SYNJ2: variants seen among roughly 807,000 people sequenced by gnomAD.
SYNJ2 encodes polyphosphatidylinositol phosphatase SYNJ2.
In SYNJ2, 116 loss-of-function variants were observed where a neutral mutation model predicts 141.3. The observed-to-expected ratio is 0.82, with a 90% CI of 0.71 to 0.96. The LOEUF is 0.96. Among genes scored for constraint, SYNJ2 ranks in the 40% least tolerant of loss-of-function variants. SYNJ2 has a pLI of 0.00. For synonymous variants in SYNJ2, 745 were observed against 777.7 expected (o/e 0.96, Z 0.70); for missense variants, 1,873 against 1,934.8 (o/e 0.97, Z 0.60).
At position 158,071,729 on chromosome 6, in the gene SYNJ2, C is replaced by G; in HGVS notation, c.2068C>G (p.Gln690Glu). 6.2e-7 allele frequency: 1 copy of G among 1,614,052 alleles called. No individual in the cohort carries two copies. The highest frequency in any genetic ancestry group is 8.5e-7 in the Non-Finnish European group (1 of 1,180,040). Residue 690 changes from glutamine to glutamate, a missense_variant, in exon 15 of 27, where the codon CAG becomes GAG. Transcript: ENST00000355585. This position sits in a 1 kb window ranked among gnomAD's most constrained non-coding sequence, Gnocchi z 4.3. ...CFICSHLTAG[Q>E]SQVKERNEDY... ...CATATGTAGTCACCTGACGGCCGGG[C>G]AGTCCCAGGTGAAGGAGCGGAATGA...
At chr6:158,046,223 G>A (rs935864372) in intron 5 of SYNJ2, among the ~76,000 whole-genome samples, 3 of 152,042 alleles carry the variant, frequency 2.0e-5, no homozygotes, top group African/African-American at 7.2e-5. Flanking sequence ...TAGGATTACA[G>A]GCGTGAGCCA....
chr6:158,034,368 C>T (rs1278747491), intron 4 of SYNJ2, among the ~76,000 whole-genome samples: 1 of 152,232 alleles, frequency 6.6e-6, no homozygotes, highest in Non-Finnish European at 1.5e-5. Flanking sequence ...ATGTATGGTA[C>T]TCCTGCCAGG....
In SYNJ2 at chr6:157,982,391, T is replaced by TC. The variant is rs1180667581; in HGVS notation, c.127+306dup. ...GGGGCGCTTTGCGTATTCATGAGGA[T>TC]CCCGGGGTGTTGACTTAGCCGGCCT... On this transcript the variant is annotated intron_variant, in intron 1 of 26. Coordinates refer to ENST00000355585, the MANE Select transcript of SYNJ2 (RefSeq NM_003898.4). This position sits in a 1 kb window ranked among gnomAD's most constrained non-coding sequence, Gnocchi z 4.0. 6.6e-6 allele frequency among the ~76,000 whole-genome samples: 1 copy of TC among 152,140 alleles called. No individual in the cohort carries two copies. The highest frequency in any genetic ancestry group is 1.5e-5 in the Non-Finnish European group (1 of 68,012).
chr6:158,017,572 G>A, intron 2 of SYNJ2: 1 of 447,438 alleles, frequency 2.2e-6, no homozygotes, highest in Non-Finnish European at 4.2e-6. Context: ...GCGCCACCAT[G>A]CCCAACTAAT....
intron 5 of SYNJ2, among the ~76,000 whole-genome samples, chr6:158,047,054 G>A (rs1413451187): frequency 6.6e-6 from 1 of 152,210 alleles, no homozygotes; most frequent in Non-Finnish European, 1.5e-5. Context: ...CGCCAAGTTT[G>A]TGGAGTCGTG....
rs2502600 is a variant in SYNJ2, at chr6:158,096,419, A to G, written c.*55A>G. On this transcript the variant is annotated 3_prime_UTR_variant, in exon 27 of 27. Coordinates refer to ENST00000355585, the MANE Select transcript of SYNJ2 (RefSeq NM_003898.4). ...AGAATGCATACCTTCCTCCCTCTAG[A>G]CATCCCTCCACCAGAAGAGACATCT... The G allele has an allele frequency of 0.51, 775,254 of 1,507,760 alleles. 201,533 individuals are homozygous for G. The highest frequency in any genetic ancestry group is 0.62 in the African/African-American group (44,845 of 71,774). 93.4% of individuals were successfully genotyped at this position (1,507,760 alleles called of 1,614,324 possible). A position where few individuals can be genotyped will look rare whatever the true frequency, so the allele number is the denominator to read the frequency against.
chr6:158,064,030 CAG>C (rs1212849649), intron 9 of SYNJ2, among the ~76,000 whole-genome samples, 158 bp downstream of exon 9: 2 of 152,170 alleles, frequency 1.3e-5, no homozygotes, highest in African/African-American at 4.8e-5. Flanking sequence ...CTGGGACATC[CAG>C]AGAGGGGTTC....
chr6:158,049,706 A>G (rs553414573), intron 5 of SYNJ2, among the ~76,000 whole-genome samples: 57 of 152,146 alleles, frequency 3.7e-4, no homozygotes, highest in South Asian at 8.3e-4. Flanking sequence ...CTCTGCAGGT[A>G]TGGACATGCC....
At position 158,022,614 on chromosome 6, in the gene SYNJ2, C is replaced by T. The variant is rs560395276; in HGVS notation, c.214+5324C>T. On this transcript the variant is annotated intron_variant, in intron 2 of 26. Transcript: ENST00000355585. ...AGGCCCAGAGAGGGTAAGAGCCTTGCCTGAGGCCACACAGGCCACTGGAGG... is the reference window on the plus strand; with the variant it reads ...AGGCCCAGAGAGGGTAAGAGCCTTGTCTGAGGCCACACAGGCCACTGGAGG... 4.2e-4 allele frequency among the ~76,000 whole-genome samples: 64 copies of T among 152,350 alleles called. 1 individual carries two copies. The highest frequency in any genetic ancestry group is 1.5e-3 in the African/African-American group (64 of 41,588).
At chr6:157,984,454 A>T (rs148726527) in intron 1 of SYNJ2, among the ~76,000 whole-genome samples, 1 of 152,240 alleles carries the variant, frequency 6.6e-6, no homozygotes, top group African/African-American at 2.4e-5. Context: ...GGCTGAGTGA[A>T]GTGGTGCGAT....
intron 26 of SYNJ2, among the ~76,000 whole-genome samples, chr6:158,093,463 A>AC (rs1783605379): frequency 6.6e-6 from 1 of 151,966 alleles, no homozygotes; most frequent in South Asian, 2.1e-4. Context: ...AAAAAAAAAA[A>AC]CAGATTTGCG....
intron 3 of SYNJ2, 100 bp from the exon 4 acceptor site, chr6:158,033,355 C>A: frequency 7.7e-7 from 1 of 1,298,992 alleles, no homozygotes; most frequent in Non-Finnish European, 1.1e-6. Flanking sequence ...CGAAATGCTG[C>A]ACCGTGCGCC....
rs767670359 is a variant in SYNJ2 at position 158,043,343 on chromosome 6, T to C, written c.739T>C (p.Ser247Pro). Residue 247 changes from serine (S) to proline (P), a missense_variant, in exon 5 of 27, where the codon TCT (serine) becomes CCT (proline). Physicochemically the swap from Ser to Pro is moderately conservative, Grantham distance 74 (BLOSUM62 -1). Coordinates refer to ENST00000355585, the MANE Select transcript of SYNJ2 (RefSeq NM_003898.4). The surrounding 1 kb of genome is among the most constrained non-coding windows in gnomAD (Gnocchi z 4.0). ...QMIYMDDGVSSFVQIRGSVPL... is the reference protein window; with the variant it reads ...QMIYMDDGVSPFVQIRGSVPL... ...GATTTACATGGACGATGGAGTGTCA[T>C]CTTTTGTCCAGATCAGAGGCTCCGT... is the stretch of plus-strand genomic sequence containing the variant. 11 of 1,614,128 alleles carry C rather than the reference T, an allele frequency of 6.8e-6. 1 individual carries two copies. In the South Asian group the frequency reaches 8.8e-5, roughly 13 times the overall value.
rs972087809 is a variant in SYNJ2, at chr6:158,097,798, C to G, written c.*1434C>G. 8 of 150,364 alleles carry G rather than the reference C, an allele frequency of 5.3e-5. No homozygotes were observed. The highest frequency in any genetic ancestry group is 2.0e-4 in the African/African-American group (8 of 40,624). 9.3% of individuals were successfully genotyped at this position (150,364 alleles called of 1,614,324 possible). On this transcript the variant is annotated 3_prime_UTR_variant, in exon 27 of 27. Transcript: ENST00000355585. ...AATATGGCCATCAAAACAAAAGTTA[C>G]AACACGTATCTCTTTTCATCTGAAA...
chr6:158,076,810 C>A (rs371005422), intron 17 of SYNJ2, 28 bp downstream of exon 17: 45 of 1,586,766 alleles, frequency 2.8e-5, no homozygotes, highest in Middle Eastern at 1.8e-4. Flanking sequence ...GTTCGAGAGT[C>A]GGCAGAGGGT....
Position 158,090,542 on chromosome 6 carries a change from G to GTTT in SYNJ2, c.3565+613_3565+615dup, listed in dbSNP as rs58356198. 1.8e-3 allele frequency among the ~76,000 whole-genome samples: 201 copies of GTTT among 113,862 alleles called. 3 individuals carry two copies. The highest frequency in any genetic ancestry group is 8.0e-3 in the East Asian group (31 of 3,862). The allele number at this position is 113,862 out of a possible 152,430, so 74.7% of individuals were successfully genotyped here. A position where few individuals can be genotyped will look rare whatever the true frequency, so the allele number is the denominator to read the frequency against. ...TGCCCTTTTCTTCGTTTTTTTTTTT[G>GTTT]TTTTTTTTTTTTTTTTTTTTGAGAC... On this transcript the variant is annotated intron_variant, in intron 25 of 26. Transcript: ENST00000355585.
Position 158,044,231 on chromosome 6 carries a change from G to T in SYNJ2, c.795+832G>T, listed in dbSNP as rs540415683. Among the ~76,000 whole-genome samples, 3 of 152,338 alleles carry T rather than the reference G, an allele frequency of 2.0e-5. No individual in the cohort carries two copies. The East Asian group carries it at 5.8e-4, about 29-fold the overall frequency. On this transcript the variant is annotated intron_variant, in intron 5 of 26. Transcript: ENST00000355585. ...GCTACTGGGGCCCAGAGTGCCATCTGCCAGGTTCCAGGGGGTGTTTGACAA... is the reference window on the plus strand; with the variant it reads ...GCTACTGGGGCCCAGAGTGCCATCTTCCAGGTTCCAGGGGGTGTTTGACAA...
intron 1 of SYNJ2, among the ~76,000 whole-genome samples, chr6:157,987,761 AT>A (rs1777260734): frequency 6.6e-6 from 1 of 152,208 alleles, no homozygotes; most frequent in Non-Finnish European, 1.5e-5. Context: ...CAAAATATAC[AT>A]TATTATTAAC....
chr6:158,063,361 G>T (rs4612197), intron 8 of SYNJ2, among the ~76,000 whole-genome samples: 1 of 152,098 alleles, frequency 6.6e-6, no homozygotes. Context: ...CTATTGATGA[G>T]GAGGTGAGGG....
Sources: allele counts gnomAD v4.1 joint callset (sites outside exome capture counted in the v4.1 genomes callset), GRCh38; gene constraint gnomAD v4.1.1; non-coding constraint Gnocchi (gnomAD v3.1); transcripts MANE v1.5; gene names NCBI Gene and HGNC (gene_info 2026-07-23, HGNC 2026-07-21).